The following B3GALT1 variants were observed in gnomAD, a reference collection of about 807,000 sequenced individuals.
The protein encoded by B3GALT1 is beta-1,3-galactosyltransferase 1, also known as UDP-Gal:betaGlcNAc beta 1,3-galactosyltransferase, polypeptide 1.
Under a neutral mutation model 23.2 loss-of-function variants are expected in B3GALT1, and 10 were observed. That is an observed-to-expected ratio of 0.43 (90% CI 0.27 to 0.73). B3GALT1 has a LOEUF of 0.73. Ranked by LOEUF, B3GALT1 falls within the 30% of genes least tolerant of loss-of-function variation. The pLI, the probability that B3GALT1 is intolerant of heterozygous loss-of-function variation, is 0.21. For synonymous variants in B3GALT1, 156 were observed against 141.5 expected, an observed-to-expected ratio of 1.10 and a Z score of -0.73; for missense variants, 299 against 405.4, an observed-to-expected ratio of 0.74 and a Z score of 2.25.
rs373685860 is a variant in B3GALT1 at position 167,826,744 on chromosome 2, A to G, written c.-230+7951A>G. On this transcript the variant is annotated intron_variant, in intron 4 of 4. Coordinates refer to ENST00000392690, the MANE Select transcript of B3GALT1 (RefSeq NM_020981.4). ...TTGAAAATGTTTGTAAAAGAGAAAC[A>G]ATAAAACATAACAACACAACAATAA... is the stretch of plus-strand genomic sequence containing the variant. Among the ~76,000 whole-genome samples, 7 of 152,234 alleles carry G rather than the reference A, an allele frequency of 4.6e-5. No homozygotes were observed. In the East Asian group the frequency reaches 9.6e-4, roughly 21 times the overall value.
intron 1 of B3GALT1, among the ~76,000 whole-genome samples, chr2:167,347,322 T>C (rs1222454485): frequency 6.6e-6 from 1 of 152,202 alleles, no homozygotes; most frequent in Non-Finnish European, 1.5e-5. Context: ...TTAGAGCAAG[T>C]TGATGCTTAG....
rs1683754506 is a variant in B3GALT1 at position 167,551,905 on chromosome 2, G to T, written c.-410+61628G>T. 2.6e-5 allele frequency among the ~76,000 whole-genome samples: 4 copies of T among 152,152 alleles called. No homozygotes were observed. In the South Asian group the frequency reaches 8.3e-4, roughly 32 times the overall value. Reference sequence around the variant, plus strand: ...TTTGAGAAGGGTTCTGGAGTCCTCAGAGCTGGGTCCTTACATTATAACTTT... The same window carrying T: ...TTTGAGAAGGGTTCTGGAGTCCTCATAGCTGGGTCCTTACATTATAACTTT... On this transcript the variant is annotated intron_variant, in intron 2 of 4. Coordinates refer to ENST00000392690, the MANE Select transcript of B3GALT1 (RefSeq NM_020981.4).
In B3GALT1 at chr2:167,873,523, G is replaced by A. The variant is rs1314317281; in HGVS notation, c.*3503G>A. The A allele has an allele frequency of 6.6e-6, 1 of 152,032 alleles. No homozygotes were observed. The highest frequency in any genetic ancestry group is 1.9e-4 in the East Asian group (1 of 5,194). The allele number at this position is 152,032 out of a possible 1,614,324, so 9.4% of individuals were successfully genotyped here. A position where few individuals can be genotyped will look rare whatever the true frequency, so the allele number is the denominator to read the frequency against. ...ATGGAATATTTACCTAAAGCATCTG[G>A]GATTCATTTTTTACCTTTCCTAATA... On this transcript the variant is annotated 3_prime_UTR_variant, in exon 5 of 5. Coordinates refer to ENST00000392690, the MANE Select transcript of B3GALT1 (RefSeq NM_020981.4).
At chr2:167,350,629 G>A (rs535831537) in intron 1 of B3GALT1, among the ~76,000 whole-genome samples, 105 of 152,196 alleles carry the variant, frequency 6.9e-4, no homozygotes, top group Non-Finnish European at 1.3e-3. Context: ...AGGTATGCAT[G>A]CAACAGTGAC....
In B3GALT1 at chr2:167,773,081, A is replaced by G. The variant is rs142182119; in HGVS notation, c.-351-45591A>G. On this transcript the variant is annotated intron_variant, in intron 3 of 4. Coordinates refer to ENST00000392690, the MANE Select transcript of B3GALT1 (RefSeq NM_020981.4). ...GTTTGTTGTGTTGGTAAATGAATGAATGAATGAGTCTGTTGGAAATTTTTA... is the reference window on the plus strand; with the variant it reads ...GTTTGTTGTGTTGGTAAATGAATGAGTGAATGAGTCTGTTGGAAATTTTTA... 2.8e-3 allele frequency among the ~76,000 whole-genome samples: 423 copies of G among 152,326 alleles called. 3 individuals are homozygous for G. Among genetic ancestry groups the G allele is most frequent in the African/African-American group, 9.8e-3 (406 of 41,580 alleles).
intron 4 of B3GALT1, among the ~76,000 whole-genome samples, chr2:167,850,583 C>T (rs528937923): frequency 6.6e-6 from 1 of 152,328 alleles, no homozygotes; most frequent in South Asian, 2.1e-4. Flanking sequence ...GAAAAAGATA[C>T]TTGCACACGC....
chr2:167,662,575 G>C (rs1686079466), intron 3 of B3GALT1, among the ~76,000 whole-genome samples: 1 of 152,178 alleles, frequency 6.6e-6, no homozygotes, highest in Non-Finnish European at 1.5e-5. Context: ...CTACCTCCCT[G>C]CTTCCACCTT....
chr2:167,505,172 C>A (rs959651985), intron 2 of B3GALT1, among the ~76,000 whole-genome samples: 3 of 152,048 alleles, frequency 2.0e-5, no homozygotes, highest in Non-Finnish European at 4.4e-5. Context: ...GCTGGTTATG[C>A]TGGATATCTT....
At chr2:167,789,489 C>T (rs1688398252) in intron 3 of B3GALT1, among the ~76,000 whole-genome samples, 1 of 152,094 alleles carries the variant, frequency 6.6e-6, no homozygotes, top group Admixed American at 6.5e-5. Flanking sequence ...AAGCCTTTGG[C>T]ACACTCTATG....
At chr2:167,392,711 A>C (rs929699434) in intron 1 of B3GALT1, among the ~76,000 whole-genome samples, 3 of 152,198 alleles carry the variant, frequency 2.0e-5, no homozygotes, top group Non-Finnish European at 2.9e-5. Flanking sequence ...TTTTGGGGAA[A>C]AAACCCATAA....
chr2:167,834,059 G>A (rs1199152997), intron 4 of B3GALT1, among the ~76,000 whole-genome samples: 1 of 152,126 alleles, frequency 6.6e-6, no homozygotes, highest in East Asian at 1.9e-4. Context: ...TCTAAAAAAG[G>A]AACTTTGCTG....
At chr2:167,688,189 C>A (rs1686647926) in intron 3 of B3GALT1, among the ~76,000 whole-genome samples, 1 of 152,004 alleles carries the variant, frequency 6.6e-6, no homozygotes. Context: ...TGTTTTGGGG[C>A]CCATCTGAGC....
chr2:167,368,225 G>T (rs1697622954), intron 1 of B3GALT1, among the ~76,000 whole-genome samples: 2 of 152,152 alleles, frequency 1.3e-5, no homozygotes, highest in East Asian at 3.8e-4. Flanking sequence ...TGTGTGACTG[G>T]AGTGCTCAAG....
At chr2:167,468,359 T>C (rs1199399561) in intron 1 of B3GALT1, among the ~76,000 whole-genome samples, 1 of 152,030 alleles carries the variant, frequency 6.6e-6, no homozygotes, top group Non-Finnish European at 1.5e-5. Context: ...TCTTACAAAA[T>C]AGAACATAAT....
At chr2:167,448,649 G>A (rs1224021066) in intron 1 of B3GALT1, among the ~76,000 whole-genome samples, 1 of 151,992 alleles carries the variant, frequency 6.6e-6, no homozygotes, top group African/African-American at 2.4e-5. Context: ...TTTTGTTTTT[G>A]TTGTATTTGC....
rs534748762 is a variant in B3GALT1, at chr2:167,296,162, A to G, written c.-511+2828A>G. On this transcript the variant is annotated intron_variant, in intron 1 of 4. Coordinates refer to ENST00000392690, the MANE Select transcript of B3GALT1 (RefSeq NM_020981.4). Reference sequence around the variant, plus strand: ...TGTCAACTTGTGAAGACCCTAGGCCACTAAATTCACTTCTTGACTTGTACA... The same window carrying G: ...TGTCAACTTGTGAAGACCCTAGGCCGCTAAATTCACTTCTTGACTTGTACA... Among the ~76,000 whole-genome samples the G allele has an allele frequency of 4.6e-5, 7 of 152,360 alleles. No homozygotes were observed. The East Asian group carries it at 7.7e-4, about 17-fold the overall frequency.
intron 2 of B3GALT1, among the ~76,000 whole-genome samples, chr2:167,557,283 G>A (rs992975978): frequency 4.6e-5 from 7 of 151,932 alleles, no homozygotes; most frequent in Admixed American, 1.3e-4. Flanking sequence ...CCAACAAAGT[G>A]TTCTTTGTTG....
chr2:167,823,172 G>A (rs1359620981), intron 4 of B3GALT1, among the ~76,000 whole-genome samples: 1 of 152,164 alleles, frequency 6.6e-6, no homozygotes, highest in Non-Finnish European at 1.5e-5. Context: ...ATCACCAGGT[G>A]AAAAGCTTTC....
intron 1 of B3GALT1, among the ~76,000 whole-genome samples, chr2:167,426,702 T>C (rs971387522): frequency 3.9e-5 from 6 of 152,182 alleles, no homozygotes; most frequent in African/African-American, 1.4e-4. Context: ...TAATGGCCTA[T>C]GTAACCTGAC....
Sources: gnomAD v4.1 joint callset for allele counts (sites outside exome capture counted in the v4.1 genomes callset) on GRCh38, gnomAD v4.1.1 for gene constraint, MANE v1.5 for transcripts, NCBI Gene and HGNC (gene_info 2026-07-23, HGNC 2026-07-21) for gene names.